Variants in CADPS2 observed in about 807,000 individuals in gnomAD.
The protein encoded by CADPS2 is calcium-dependent secretion activator 2.
In CADPS2, 93 loss-of-function variants were observed where a neutral mutation model predicts 172.5. The ratio of observed to expected loss-of-function variants is 0.54; its 90% confidence interval spans 0.46 to 0.64. The LOEUF is 0.64. CADPS2 is among the 30% of genes least tolerant of loss of function. The probability of loss-of-function intolerance (pLI) is 0.00; values close to 1 mark genes in which losing one functional copy is unlikely to be tolerated. For synonymous variants in CADPS2, 546 were observed against 555.2 expected (o/e 0.98, Z 0.23); for missense variants, 1,420 against 1,565.9 (o/e 0.91, Z 1.57).
At chr7:122,642,642 A>G (rs1426205741) in intron 3 of CADPS2, among the ~76,000 whole-genome samples, 1 of 151,054 alleles carries the variant, frequency 6.6e-6, no homozygotes, top group Admixed American at 6.6e-5. Flanking sequence ...ATTTACTTAT[A>G]TCTTAAAGAA....
At chr7:122,393,971 T>C (rs1019054324) in intron 20 of CADPS2, among the ~76,000 whole-genome samples, 1 of 152,190 alleles carries the variant, frequency 6.6e-6, no homozygotes, top group African/African-American at 2.4e-5. Context: ...CTCTGTGCTA[T>C]GCTGTGTATC....
chr7:122,683,471 G>C (rs918922645), intron 2 of CADPS2, among the ~76,000 whole-genome samples: 1 of 152,046 alleles, frequency 6.6e-6, no homozygotes, highest in Non-Finnish European at 1.5e-5. Context: ...CAGTGGTTCT[G>C]TATCAATATC....
intron 15 of CADPS2, among the ~76,000 whole-genome samples, chr7:122,449,706 T>A (rs1274717180): frequency 6.6e-6 from 1 of 152,228 alleles, no homozygotes; most frequent in Non-Finnish European, 1.5e-5. Flanking sequence ...AAACTCAAAA[T>A]CATTTCAGGC....
At chr7:122,416,863 G>A (rs899909881) in intron 17 of CADPS2, among the ~76,000 whole-genome samples, 1 of 152,144 alleles carries the variant, frequency 6.6e-6, no homozygotes, top group Non-Finnish European at 1.5e-5. Context: ...TACAGAGAAG[G>A]CAAAGTAGTT....
intron 2 of CADPS2, among the ~76,000 whole-genome samples, chr7:122,696,626 C>T (rs1256462519): frequency 1.3e-5 from 2 of 152,140 alleles, no homozygotes; most frequent in Non-Finnish European, 2.9e-5. Context: ...CAAGGCTGCG[C>T]AGCAATTCAA....
chr7:122,640,891 G>A lies in CADPS2; in HGVS notation c.787-11563C>T, dbSNP rs531105966. 4.7e-5 allele frequency among the ~76,000 whole-genome samples: 7 copies of A among 149,260 alleles called. No individual in the cohort carries two copies. The East Asian group carries it at 1.2e-3, about 25-fold the overall frequency. On this transcript the variant is annotated intron_variant, in intron 3 of 29. Transcript: ENST00000449022. ...GGAGTTTGCAGTGAGCCGAGATCAC[G>A]CCACTGCACTCCAGCCTGGGTGACA...
intron 9 of CADPS2, among the ~76,000 whole-genome samples, chr7:122,491,790 A>G (rs542856533): frequency 6.6e-6 from 1 of 152,328 alleles, no homozygotes; most frequent in African/African-American, 2.4e-5. Flanking sequence ...TTAATATGCT[A>G]ACGTAGGCTA....
chr7:122,769,075 C>A (rs114752619), intron 1 of CADPS2, among the ~76,000 whole-genome samples: 10 of 152,214 alleles, frequency 6.6e-5, no homozygotes, highest in African/African-American at 2.4e-4. Flanking sequence ...ATACAGACCA[C>A]AAGAGTTTCA....
intron 1 of CADPS2, among the ~76,000 whole-genome samples, chr7:122,877,764 T>C (rs1821595678): frequency 6.6e-6 from 1 of 152,038 alleles, no homozygotes; most frequent in South Asian, 2.1e-4. Context: ...CCCAAACAGG[T>C]TTAATTAACA....
chr7:122,369,250 G>T (rs1417237989), intron 25 of CADPS2, among the ~76,000 whole-genome samples: 1 of 149,058 alleles, frequency 6.7e-6, no homozygotes, highest in Non-Finnish European at 1.5e-5. Flanking sequence ...TCCTGCCTCA[G>T]CCTCCCGGTA....
chr7:122,501,338 G>C (rs924077443), intron 9 of CADPS2, among the ~76,000 whole-genome samples: 4 of 150,872 alleles, frequency 2.7e-5, no homozygotes, highest in Non-Finnish European at 4.4e-5. Context: ...TATTACATTT[G>C]GAAATTTAAA....
chr7:122,589,460 A>G (rs1333498676), intron 6 of CADPS2, among the ~76,000 whole-genome samples: 3 of 151,912 alleles, frequency 2.0e-5, no homozygotes, highest in Non-Finnish European at 4.4e-5. Context: ...GGAAAACTCT[A>G]AGCAGAAAAC....
intron 6 of CADPS2, among the ~76,000 whole-genome samples, chr7:122,602,668 C>T (rs2072963060): frequency 6.6e-6 from 1 of 152,020 alleles, no homozygotes; most frequent in Non-Finnish European, 1.5e-5. Flanking sequence ...CTTGGATCTC[C>T]AGTTCACTGA....
intron 1 of CADPS2, among the ~76,000 whole-genome samples, chr7:122,851,779 G>A (rs1171561266): frequency 6.6e-6 from 1 of 152,050 alleles, no homozygotes; most frequent in Non-Finnish European, 1.5e-5. Context: ...AACAGCATGG[G>A]AAAGACCCAA....
At chr7:122,842,027 T>G (rs1810673519) in intron 1 of CADPS2, among the ~76,000 whole-genome samples, 1 of 152,194 alleles carries the variant, frequency 6.6e-6, no homozygotes, top group African/African-American at 2.4e-5. Context: ...TAGCAGCAGC[T>G]GAGTTGTTAC....
intron 1 of CADPS2, among the ~76,000 whole-genome samples, chr7:122,818,260 A>G (rs1802104091): frequency 1.3e-5 from 2 of 152,058 alleles, no homozygotes; most frequent in Non-Finnish European, 2.9e-5. Context: ...CACCTGACCT[A>G]AAACCTAAAT....
At chr7:122,789,410 C>A (rs913076413) in intron 1 of CADPS2, among the ~76,000 whole-genome samples, 3 of 152,284 alleles carry the variant, frequency 2.0e-5, no homozygotes, top group African/African-American at 7.2e-5. Context: ...CTATTTAATT[C>A]CCTCAACTAC....
rs1227617647 is a variant in CADPS2 at position 122,645,502 on chromosome 7, G to GTA, written c.787-16176_787-16175dup. On this transcript the variant is annotated intron_variant, in intron 3 of 29. Coordinates refer to ENST00000449022, the MANE Select transcript of CADPS2 (RefSeq NM_017954.11). Reference sequence around the variant, plus strand: ...ATATATTTAGCGTATATATATATAAGTATATATATACTTATATATATATAA... The same window carrying GTA: ...ATATATTTAGCGTATATATATATAAGTATATATATATACTTATATATATATAA... Among the ~76,000 whole-genome samples, 431 of 101,636 alleles carry GTA rather than the reference G, an allele frequency of 4.2e-3. 9 individuals carry two copies. The highest frequency in any genetic ancestry group is 0.029 in the Admixed American group (268 of 9,354). 66.7% of individuals were successfully genotyped at this position (101,636 alleles called of 152,430 possible).
At chr7:122,592,180 G>C (rs113237308) in intron 6 of CADPS2, among the ~76,000 whole-genome samples, 31,852 of 151,992 alleles carry the variant, frequency 0.21, 3,556 homozygotes, top group East Asian at 0.38. Context: ...GGGCGAAGGA[G>C]ATGAACAGAC....
Sources: allele counts gnomAD v4.1 joint callset (sites outside exome capture counted in the v4.1 genomes callset), GRCh38; gene constraint gnomAD v4.1.1; transcripts MANE v1.5; gene names NCBI Gene and HGNC (gene_info 2026-07-23, HGNC 2026-07-21).